AGGF1: variants seen among roughly 807,000 people sequenced by gnomAD.
AGGF1 encodes angiogenic factor with G patch and FHA domains 1.
In AGGF1, 56 loss-of-function variants were observed where a neutral mutation model predicts 86.5. The observed-to-expected ratio is 0.65, with a 90% confidence interval of 0.52 to 0.81. The LOEUF is 0.81. Ranked by LOEUF, AGGF1 falls within the 30% of genes least tolerant of loss-of-function variation. AGGF1 has a pLI of 0.00. For synonymous variants in AGGF1, 313 were observed against 297.1 expected (o/e 1.05, Z -0.55); for missense variants, 816 against 850.9 (o/e 0.96, Z 0.51).
chr5:77,046,163 G>T lies in AGGF1; in HGVS notation c.871-184G>T, dbSNP rs77802225. Among the ~76,000 whole-genome samples the T allele has an allele frequency of 8.3e-3, 1,264 of 152,312 alleles. 22 individuals carry two copies. The highest frequency in any genetic ancestry group is 0.028 in the African/African-American group (1,179 of 41,562). ...ATAGGATTTTTAATTTGGATAATAA[G>T]AAGATGGTAATATCATTAACCAAGA... On this transcript the variant is annotated intron_variant, in intron 5 of 13. Transcript: ENST00000312916.
intron 1 of AGGF1, among the ~76,000 whole-genome samples, chr5:77,031,367 G>T (rs1746849686): frequency 6.6e-6 from 1 of 152,148 alleles, no homozygotes; most frequent in South Asian, 2.1e-4. Context: ...CCGAGTCTCA[G>T]TTCCCCATTA....
chr5:77,036,459 C>T (rs1746968805), intron 3 of AGGF1, 97 bp from the exon 4 acceptor site: 9 of 1,220,906 alleles, frequency 7.4e-6, no homozygotes, highest in Non-Finnish European at 9.6e-6. Context: ...AAATTGAAGT[C>T]GTTACTTAAA....
rs761505257 is a variant in AGGF1 at position 77,055,574 on chromosome 5, T to C, written c.1694T>C (p.Ile565Thr). 150 of 1,595,054 alleles carry C rather than the reference T, an allele frequency of 9.4e-5. No homozygotes were observed. Among genetic ancestry groups the C allele is most frequent in the Non-Finnish European group, 1.3e-4 (147 of 1,163,694 alleles). Residue 565 changes from isoleucine to threonine, a missense_variant, in exon 11 of 14, where the codon ATA (isoleucine) becomes ACA (threonine). Ile to Thr is a moderately conservative substitution (Grantham distance 89). Coordinates refer to ENST00000312916, the MANE Select transcript of AGGF1 (RefSeq NM_018046.5). ...ELERRKELKK[I>T]RVKYGLQNTE... Reference sequence around the variant, plus strand: ...GAAAGAAGAAAAGAATTAAAGAAAATACGAGTAAAATATGGTTTACAGGTG... The same window carrying C: ...GAAAGAAGAAAAGAATTAAAGAAAACACGAGTAAAATATGGTTTACAGGTG...
At chr5:77,044,823 A>T (rs1032609256) in intron 5 of AGGF1, among the ~76,000 whole-genome samples, 1 of 152,136 alleles carries the variant, frequency 6.6e-6, no homozygotes, top group Non-Finnish European at 1.5e-5. Context: ...TATCAAAGAT[A>T]GGTATGTGAG....
intron 5 of AGGF1, among the ~76,000 whole-genome samples, chr5:77,044,158 C>G (rs1448163493): frequency 6.8e-6 from 1 of 147,680 alleles, no homozygotes; most frequent in Non-Finnish European, 1.5e-5. Flanking sequence ...CAGAGACACT[C>G]CTCACTTCCC....
chr5:77,056,760 C>A (rs1218376768), intron 11 of AGGF1, among the ~76,000 whole-genome samples: 3 of 152,008 alleles, frequency 2.0e-5, no homozygotes, highest in Non-Finnish European at 4.4e-5. Flanking sequence ...AATTGATAAT[C>A]TGTATTTCTT....
chr5:77,032,411 C>CA (rs1035349638), intron 1 of AGGF1, among the ~76,000 whole-genome samples: 32 of 151,104 alleles, frequency 2.1e-4, no homozygotes, highest in Middle Eastern at 3.4e-3. Context: ...AGTAAAAATA[C>CA]AAAAAAAATT....
At chr5:77,052,835 C>T (rs1747397909) in intron 9 of AGGF1, 28 bp downstream of exon 9, 4 of 1,519,158 alleles carry the variant, frequency 2.6e-6, no homozygotes, top group Non-Finnish European at 3.7e-6. Context: ...AATTTGTTAC[C>T]TGCACATTAT....
rs753575804 is a variant in AGGF1, at chr5:77,046,726, A to G, written c.1201+49A>G. 9.9e-6 allele frequency: 15 copies of G among 1,521,126 alleles called. No individual in the cohort carries two copies. In the East Asian group the frequency reaches 3.2e-4, roughly 32 times the overall value. The allele number at this position is 1,521,126 out of a possible 1,614,324, so 94.2% of individuals were successfully genotyped here. Reference sequence around the variant, plus strand: ...GTAAATAGCCCAGTCTGGTAACTATAAAAGAGCAAAACCATTAAAAATGTT... The same window carrying G: ...GTAAATAGCCCAGTCTGGTAACTATGAAAGAGCAAAACCATTAAAAATGTT... On this transcript the variant is annotated intron_variant, in intron 6 of 13. Transcript: ENST00000312916.
chr5:77,030,630 C>T lies in AGGF1; in HGVS notation c.-137C>T. ...CAAGTGAGTTTCAGGGCGTCATGGC[C>T]AGGGGCCACCGCGGCCAGCCGGGTG... is the stretch of plus-strand genomic sequence containing the variant. On this transcript the variant is annotated 5_prime_UTR_variant, in exon 1 of 14. Coordinates refer to ENST00000312916, the MANE Select transcript of AGGF1 (RefSeq NM_018046.5). 2 of 992,964 alleles carry T rather than the reference C, an allele frequency of 2.0e-6. No homozygotes were observed. The highest frequency in any genetic ancestry group is 1.4e-5 in the South Asian group (1 of 72,468). The allele number at this position is 992,964 out of a possible 1,614,324, so 61.5% of individuals were successfully genotyped here. A position where few individuals can be genotyped will look rare whatever the true frequency, so the allele number is the denominator to read the frequency against.
chr5:77,030,985 T>C lies in AGGF1; in HGVS notation c.210+9T>C. 1 of 1,611,148 alleles carries C rather than the reference T, an allele frequency of 6.2e-7. No homozygotes were observed. The highest frequency in any genetic ancestry group is 8.5e-7 in the Non-Finnish European group (1 of 1,179,770). On this transcript the variant is annotated intron_variant, in intron 1 of 13. Transcript: ENST00000312916. ...AGGAGCTCCGCACGCAGGTGCGCGGTCCTCCTCAGCCCCGCGCCCCATCCA... is the reference window on the plus strand; with the variant it reads ...AGGAGCTCCGCACGCAGGTGCGCGGCCCTCCTCAGCCCCGCGCCCCATCCA...
At chr5:77,033,976 T>G (rs1746917673) in intron 1 of AGGF1, among the ~76,000 whole-genome samples, 1 of 152,212 alleles carries the variant, frequency 6.6e-6, no homozygotes, top group South Asian at 2.1e-4. Context: ...TACTGTTTAA[T>G]GAAAAAATGT....
chr5:77,043,506 C>CGGGA (rs1402933256), intron 5 of AGGF1, among the ~76,000 whole-genome samples: 1 of 144,584 alleles, frequency 6.9e-6, no homozygotes, highest in East Asian at 2.2e-4. Context: ...CACCTCCCTC[C>CGGGA]CGGACGGGGC....
At chr5:77,043,511 C>A (rs1405950533) in intron 5 of AGGF1, among the ~76,000 whole-genome samples, 2 of 102,060 alleles carry the variant, frequency 2.0e-5, no homozygotes, top group African/African-American at 3.0e-5. Context: ...CCCTCCCGGA[C>A]GGGGCGGCTG....
intron 1 of AGGF1, among the ~76,000 whole-genome samples, chr5:77,031,971 A>G (rs1254732117): frequency 6.6e-6 from 1 of 152,080 alleles, no homozygotes; most frequent in Non-Finnish European, 1.5e-5. Context: ...CTCTCTGCCA[A>G]CAGATTATTT....
intron 8 of AGGF1, 41 bp downstream of exon 8, chr5:77,049,028 AT>A (rs1300022095): frequency 1.3e-6 from 2 of 1,572,942 alleles, no homozygotes; most frequent in African/African-American, 1.4e-5. Flanking sequence ...CCTAGATGTA[AT>A]TTTTTATATT....
intron 9 of AGGF1, among the ~76,000 whole-genome samples, chr5:77,053,540 G>A (rs567053293): frequency 5.9e-5 from 9 of 152,162 alleles, no homozygotes; most frequent in Admixed American, 3.3e-4. Context: ...ATATAGGAAG[G>A]CGGGAGGCCT....
chr5:77,064,855 A>G lies in AGGF1; in HGVS notation c.*1603A>G, dbSNP rs1183332085. 1 of 152,238 alleles carries G rather than the reference A, an allele frequency of 6.6e-6. No individual in the cohort carries two copies. Among genetic ancestry groups the G allele is most frequent in the African/African-American group, 2.4e-5 (1 of 41,470 alleles). 9.4% of individuals were successfully genotyped at this position (152,238 alleles called of 1,614,324 possible). The stretch of plus-strand genomic sequence containing the variant: ...TCATTGGGTTAGTATATGACTGTCT[A>G]TAATATTTTCCATTTGTATTATTAT... On this transcript the variant is annotated 3_prime_UTR_variant, in exon 14 of 14. Coordinates refer to ENST00000312916, the MANE Select transcript of AGGF1 (RefSeq NM_018046.5).
intron 11 of AGGF1, among the ~76,000 whole-genome samples, chr5:77,058,377 T>G (rs2150735099): frequency 6.6e-6 from 1 of 152,294 alleles, no homozygotes. Flanking sequence ...TGTGCTAAAT[T>G]TTTATACTTC....
Sources: gnomAD v4.1 joint callset for allele counts (sites outside exome capture counted in the v4.1 genomes callset) on GRCh38, gnomAD v4.1.1 for gene constraint, MANE v1.5 for transcripts, NCBI Gene and HGNC (gene_info 2026-07-23, HGNC 2026-07-21) for gene names.